GLB1L2: variants seen among roughly 807,000 people sequenced by gnomAD.
GLB1L2 encodes beta-galactosidase-1-like protein 2.
Under a neutral mutation model 84.1 loss-of-function variants are expected in GLB1L2, and 68 were observed. The ratio of observed to expected loss-of-function variants is 0.81; its 90% CI spans 0.67 to 0.99. The LOEUF (loss-of-function observed/expected upper bound fraction) is 0.99. GLB1L2 is among the 50% of genes least tolerant of loss of function. The pLI, the probability that GLB1L2 is intolerant of heterozygous loss-of-function variation, is 0.00. For synonymous variants in GLB1L2, 290 were observed against 318.0 expected (o/e 0.91, Z 0.94); for missense variants, 762 against 805.6 (o/e 0.95, Z 0.66).
At chr11:134,342,715 C>T (rs759893052) in intron 1 of GLB1L2, 39 bp from the exon 2 acceptor site, 2 of 1,593,298 alleles carry the variant, frequency 1.3e-6, no homozygotes, top group Admixed American at 1.7e-5. Flanking sequence ...TCTCTGCGGC[C>T]CGGAGCCTCC....
chr11:134,362,554 C>T (rs1943810479), intron 7 of GLB1L2, among the ~76,000 whole-genome samples: 1 of 152,204 alleles, frequency 6.6e-6, no homozygotes, highest in Non-Finnish European at 1.5e-5. Flanking sequence ...ACTCACTTGT[C>T]GGAGTGTGGG....
intron 8 of GLB1L2, 25 bp downstream of exon 8, chr11:134,364,423 C>T (rs201749594): frequency 1.9e-5 from 30 of 1,577,630 alleles, no homozygotes; most frequent in Admixed American, 1.3e-4. Context: ...AGGGAAGCTG[C>T]GGCCCGCCCT....
Position 134,371,755 on chromosome 11 carries a change from T to C in GLB1L2, c.1432T>C (p.Tyr478His). 1 of 1,614,034 alleles carries C rather than the reference T, an allele frequency of 6.2e-7. No homozygotes were observed. The highest frequency in any genetic ancestry group is 1.3e-5 in the African/African-American group (1 of 75,026). The change falls in exon 15 of 19, where the codon TAC (tyrosine) becomes CAC (histidine). Residue 478 changes from tyrosine (Y) to histidine (H), a missense_variant. Around this residue, in one of 3 missense-constraint regions of GLB1L2, gnomAD observed 603 missense variants for 611.7 expected, o/e 0.99. Coordinates refer to ENST00000535456, the MANE Select transcript of GLB1L2 (RefSeq NM_001370461.1). ...GTTAGCCCCGTGTTCCCGGCAGGGT[T>C]ACACCGTGCTGAGGATCTTGGTGGA... is the stretch of plus-strand genomic sequence containing the variant. ...TKIAVPLIQG[Y>H]TVLRILVENR... is the part of the protein sequence containing the mutation.
rs145308464 is a variant in GLB1L2, at chr11:134,334,727, T to C, written c.86+2580T>C. Among the ~76,000 whole-genome samples, 1 of 152,180 alleles carries C rather than the reference T, an allele frequency of 6.6e-6. No individual in the cohort carries two copies. The highest frequency in any genetic ancestry group is 2.4e-5 in the African/African-American group (1 of 41,434). ...CCGACACGATATATTGGTTTGCATTTTCTAGTGTTTTATAGAATTGTAATC... is the reference window on the plus strand; with the variant it reads ...CCGACACGATATATTGGTTTGCATTCTCTAGTGTTTTATAGAATTGTAATC... On this transcript the variant is annotated intron_variant, in intron 1 of 18. Transcript: ENST00000535456. This position sits in a 1 kb window ranked among gnomAD's most constrained non-coding sequence, Gnocchi z 4.1.
intron 9 of GLB1L2, among the ~76,000 whole-genome samples, chr11:134,367,547 T>C (rs148620899): frequency 1.3e-5 from 2 of 152,312 alleles, no homozygotes; most frequent in Non-Finnish European, 2.9e-5. Context: ...TGTTCGTGTT[T>C]TTGTAATTAG....
chr11:134,362,449 C>T (rs1406525284), intron 7 of GLB1L2, among the ~76,000 whole-genome samples: 1 of 152,190 alleles, frequency 6.6e-6, no homozygotes, highest in Non-Finnish European at 1.5e-5. Context: ...AAGAGGCTCT[C>T]GGCTGCCACT....
intron 5 of GLB1L2, among the ~76,000 whole-genome samples, chr11:134,350,932 T>C (rs890531092): frequency 6.6e-5 from 10 of 152,304 alleles, no homozygotes; most frequent in African/African-American, 2.4e-4. Flanking sequence ...TTTTTAGGGG[T>C]GTGGGGATGT....
In GLB1L2 at chr11:134,339,830, AG is replaced by A. The variant is rs1194070652; in HGVS notation, c.87-2923del. The stretch of plus-strand genomic sequence containing the variant: ...TGCATTTCTGACAAGCTGCGGATGA[AG>A]ACCTGGAAATCTGGTTGGTGGATAG... On this transcript the variant is annotated intron_variant, in intron 1 of 18. Coordinates refer to ENST00000535456, the MANE Select transcript of GLB1L2 (RefSeq NM_001370461.1). The surrounding 1 kb of genome is among the most constrained non-coding windows in gnomAD (Gnocchi z 5.7). Among the ~76,000 whole-genome samples the A allele has an allele frequency of 2.0e-5, 3 of 152,156 alleles. No homozygotes were observed. Among genetic ancestry groups the A allele is most frequent in the Admixed American group, 2.0e-4 (3 of 15,288 alleles).
Position 134,363,077 on chromosome 11 carries a change from G to A in GLB1L2, c.734-1251G>A, listed in dbSNP as rs189467500. On this transcript the variant is annotated intron_variant, in intron 7 of 18. Coordinates refer to ENST00000535456, the MANE Select transcript of GLB1L2 (RefSeq NM_001370461.1). ...GTTCACTTAGCCCTGTGCATCCTGC[G>A]GACTTTGAGTTCAGCCTGCTCAGTT... Among the ~76,000 whole-genome samples, 10 of 152,262 alleles carry A rather than the reference G, an allele frequency of 6.6e-5. 1 individual carries two copies. Among genetic ancestry groups the A allele is most frequent in the South Asian group, 2.1e-4 (1 of 4,824 alleles).
rs778151543 is a variant in GLB1L2 at position 134,371,018 on chromosome 11, C to G, written c.1226C>G (p.Ser409Cys). ...CTCTTCTGTACGCAGCCAATCAAGTCTGAAAAGCCCATCAACATGGAGAAC... is the reference window on the plus strand; with the variant it reads ...CTCTTCTGTACGCAGCCAATCAAGTGTGAAAAGCCCATCAACATGGAGAAC... ...ALKYLGEPIK[S>C]EKPINMENLP... The change falls in exon 13 of 19, where the codon TCT becomes TGT. Residue 409 changes from serine (S) to cysteine (C), a missense_variant. Ser to Cys is a moderately radical substitution (Grantham distance 112, BLOSUM62 -1). This residue lies in a region of GLB1L2 where 603 missense variants were observed against 611.7 expected (regional missense o/e 0.99). Transcript: ENST00000535456. 5.6e-6 allele frequency: 9 copies of G among 1,614,018 alleles called. No homozygotes were observed. In the African/African-American group the frequency reaches 8.0e-5, roughly 14 times the overall value.
chr11:134,351,782 T>G (rs922158314), intron 5 of GLB1L2, among the ~76,000 whole-genome samples: 1 of 152,216 alleles, frequency 6.6e-6, no homozygotes, highest in Non-Finnish European at 1.5e-5. Flanking sequence ...GCATCAGTAT[T>G]CATCAGGACT....
At chr11:134,342,661 A>T in intron 1 of GLB1L2, 93 bp from the exon 2 acceptor site, 1 of 1,283,124 alleles carries the variant, frequency 7.8e-7, no homozygotes, top group Non-Finnish European at 1.1e-6. Flanking sequence ...GGCGCCCTCG[A>T]GAGAGAAATG....
At chr11:134,374,354 C>T in intron 17 of GLB1L2, 98 bp downstream of exon 17, 1 of 1,037,046 alleles carries the variant, frequency 9.6e-7, no homozygotes, top group Non-Finnish European at 1.5e-6. Flanking sequence ...TCGTTGGTGG[C>T]TTCTGTGCCC....
chr11:134,356,466 G>A, intron 6 of GLB1L2, 73 bp downstream of exon 6: 1 of 1,035,158 alleles, frequency 9.7e-7, no homozygotes, highest in Non-Finnish European at 1.5e-6. Flanking sequence ...TGTGACATGT[G>A]GGTCTAATAT....
intron 1 of GLB1L2, among the ~76,000 whole-genome samples, chr11:134,337,113 G>A (rs771946517): frequency 6.6e-6 from 1 of 152,166 alleles, no homozygotes; most frequent in African/African-American, 2.4e-5. Context: ...GGAAATAACT[G>A]CTCTCTGAAC....
intron 1 of GLB1L2, among the ~76,000 whole-genome samples, chr11:134,333,851 G>C (rs1436457079): frequency 6.6e-6 from 1 of 152,204 alleles, no homozygotes; most frequent in Non-Finnish European, 1.5e-5. Context: ...GCCTGCCTGG[G>C]AAGGATGTTT....
At chr11:134,363,647 G>A (rs766595924) in intron 7 of GLB1L2, among the ~76,000 whole-genome samples, 2 of 152,224 alleles carry the variant, frequency 1.3e-5, no homozygotes, top group Non-Finnish European at 2.9e-5. Context: ...CAAGAAATCA[G>A]AGAGGAATCT....
Position 134,370,463 on chromosome 11 carries a change from T to C in GLB1L2, c.1215+64T>C. ...CCGGGGGCAGTCGTTGGCAGGGAGG[T>C]GAGTGCTGGGGGCAGTCGTCGGCGG... On this transcript the variant is annotated intron_variant, in intron 12 of 18. Coordinates refer to ENST00000535456, the MANE Select transcript of GLB1L2 (RefSeq NM_001370461.1). This position sits in a 1 kb window ranked among gnomAD's most constrained non-coding sequence, Gnocchi z 4.7. 1 of 1,326,092 alleles carries C rather than the reference T, an allele frequency of 7.5e-7. No homozygotes were observed. Among genetic ancestry groups the C allele is most frequent in the Non-Finnish European group, 1.1e-6 (1 of 929,202 alleles). The allele number at this position is 1,326,092 out of a possible 1,614,324, so 82.1% of individuals were successfully genotyped here.
At chr11:134,374,057 A>G in intron 16 of GLB1L2, 88 bp from the exon 17 acceptor site, 1 of 974,756 alleles carries the variant, frequency 1.0e-6, no homozygotes, top group Admixed American at 1.8e-5. Flanking sequence ...TGGATGGGGA[A>G]ACGGTGTCAG....
Sources: gnomAD v4.1 joint callset for allele counts (sites outside exome capture counted in the v4.1 genomes callset) on GRCh38, gnomAD v4.1.1 for gene constraint, gnomAD v4.1.1 regional missense constraint, Gnocchi (gnomAD v3.1) non-coding constraint, MANE v1.5 for transcripts, NCBI Gene and HGNC (gene_info 2026-07-23, HGNC 2026-07-21) for gene names.